RPAP1: variants seen among roughly 807,000 people sequenced by gnomAD.
The protein encoded by RPAP1 is RNA polymerase II associated protein 1.
RPAP1 carries 109 observed loss-of-function variants against 142.4 expected under a neutral mutation model. The ratio of observed to expected loss-of-function variants is 0.77; its 90% confidence interval spans 0.66 to 0.90. RPAP1 has a LOEUF of 0.90. Ranked by LOEUF, RPAP1 falls within the 40% of genes least tolerant of loss-of-function variation. The probability of loss-of-function intolerance (pLI) is 0.00; values close to 1 mark genes in which losing one functional copy is unlikely to be tolerated. For synonymous variants in RPAP1, 704 were observed against 738.9 expected, an observed-to-expected ratio of 0.95 and a Z score of 0.77; for missense variants, 1,546 against 1,751.7, an observed-to-expected ratio of 0.88 and a Z score of 2.10.
At chr15:41,522,002 G>A in intron 20 of RPAP1, 96 bp downstream of exon 20, 1 of 1,562,326 alleles carries the variant, frequency 6.4e-7, no homozygotes, top group South Asian at 1.2e-5. Context: ...GGAGGAAAGT[G>A]GGAGCTGCAT....
At chr15:41,543,063 C>T (rs185360231) in intron 1 of RPAP1, among the ~76,000 whole-genome samples, 2 of 152,112 alleles carry the variant, frequency 1.3e-5, no homozygotes, top group Non-Finnish European at 2.9e-5. Flanking sequence ...TCATAGGGTG[C>T]GCCATACCTA....
chr15:41,522,187 C>T lies in RPAP1; in HGVS notation c.2806G>A (p.Ala936Thr), dbSNP rs747176172. 1.2e-5 allele frequency: 20 copies of T among 1,614,018 alleles called. No individual in the cohort carries two copies. The South Asian group carries it at 2.1e-4, about 17-fold the overall frequency. The change falls in exon 20 of 25, where the codon GCT becomes ACT. Residue 936 changes from alanine (A) to threonine (T), a missense_variant. Transcript: ENST00000304330. The part of the protein sequence containing the change: ...NYFLQCVAPG[A>T]APHLTPFSAW... ...GAGAAAGGTGTGAGGTGTGGGGCAG[C>T]CCCAGGAGCCACACACTGGAGGAAG...
chr15:41,536,879 A>G, intron 2 of RPAP1, 66 bp downstream of exon 2: 1 of 1,558,068 alleles, frequency 6.4e-7, no homozygotes, highest in East Asian at 2.3e-5. Context: ...CAACCACAAC[A>G]GGAAGAGGGA....
Position 41,526,989 on chromosome 15 carries a change from G to A in RPAP1, c.1826C>T (p.Pro609Leu), listed in dbSNP as rs936259264. Reference protein sequence around the residue: ...PTSWSPVGAGPTPSLYKVPCA... With the variant: ...PTSWSPVGAGLTPSLYKVPCA... ...GGGTACTTTGTATAGACTAGGGGTAGGCCCTGCCCCCACAGGAGACCAACT... is the reference window on the plus strand; with the variant it reads ...GGGTACTTTGTATAGACTAGGGGTAAGCCCTGCCCCCACAGGAGACCAACT... The change falls in exon 14 of 25, where the codon CCT becomes CTT. Residue 609 changes from proline to leucine, a missense_variant. Pro to Leu is a moderately conservative substitution (Grantham distance 98). Transcript: ENST00000304330. 5 of 1,614,098 alleles carry A rather than the reference G, an allele frequency of 3.1e-6. No homozygotes were observed. In the African/African-American group the frequency reaches 6.7e-5, roughly 22 times the overall value.
Position 41,535,605 on chromosome 15 carries a change from T to G in RPAP1, c.448A>C (p.Ser150Arg). The change falls in exon 5 of 25, where the codon AGC (serine) becomes CGC (arginine). Residue 150 changes from serine to arginine, a missense_variant. Around this residue, in one of 3 missense-constraint regions of RPAP1, gnomAD observed 1,333 missense variants for 1,486.6 expected, o/e 0.90. Transcript: ENST00000304330. ...GCCGCAATTTCCTGGGCAAAGATGC[T>G]TCTCTTACCAGATGTTGCTGATTTC... ...QGKSATSGKR[S>R]IFAQEIAARR... 1 of 1,613,932 alleles carries G rather than the reference T, an allele frequency of 6.2e-7. No individual in the cohort carries two copies. Among genetic ancestry groups the G allele is most frequent in the Non-Finnish European group, 8.5e-7 (1 of 1,179,976 alleles).
At chr15:41,530,883 A>T in intron 7 of RPAP1, 140 bp downstream of exon 7, 1 of 807,116 alleles carries the variant, frequency 1.2e-6, no homozygotes, top group Non-Finnish European at 2.0e-6. Context: ...ATGAAGACTG[A>T]CTTGAAGCCA....
chr15:41,522,827 G>A lies in RPAP1; in HGVS notation c.2680C>T (p.Leu894Phe). The change falls in exon 19 of 25, where the codon CTC becomes TTC. Residue 894 changes from leucine (L) to phenylalanine (F), a missense_variant. Physicochemically the swap from Leu to Phe is conservative, Grantham distance 22. This residue lies in a region of RPAP1 where 1,333 missense variants were observed against 1,486.6 expected (regional missense o/e 0.90). Transcript: ENST00000304330. ...TTAAGAAGAGAGAGGAGGGCAGTGA[G>A]GAATGGGAAGGGTGAGGCTGAGCCA... ...LAGSASPFPFLTALLSLLNTL... is the reference protein window; with the variant it reads ...LAGSASPFPFFTALLSLLNTL... The A allele has an allele frequency of 6.3e-7, 1 of 1,586,256 alleles. No homozygotes were observed. The highest frequency in any genetic ancestry group is 1.2e-5 in the South Asian group (1 of 86,186).
chr15:41,528,942 T>G (rs938800183), intron 9 of RPAP1, among the ~76,000 whole-genome samples: 2 of 149,836 alleles, frequency 1.3e-5, no homozygotes, highest in Admixed American at 6.7e-5. Context: ...GCATGGAGAG[T>G]GAGCAGACCA....
chr15:41,526,870 C>T, intron 14 of RPAP1, 28 bp downstream of exon 14: 1 of 1,581,690 alleles, frequency 6.3e-7, no homozygotes, highest in South Asian at 1.1e-5. Context: ...CATGCATTCC[C>T]CCATCCCTTG....
At chr15:41,529,716 CAG>C in intron 8 of RPAP1, 146 bp downstream of exon 8, 1 of 834,202 alleles carries the variant, frequency 1.2e-6, no homozygotes. Flanking sequence ...GGGGGCCAGG[CAG>C]AGTGATGGTA....
Position 41,520,984 on chromosome 15 carries a change from C to A in RPAP1, c.3202G>T (p.Ala1068Ser). The change falls in exon 22 of 25, where the codon GCC becomes TCC. Residue 1068 changes from alanine (A) to serine (S), a missense_variant. By Grantham distance (99) the Ala-to-Ser change is moderately conservative. This residue lies in a region of RPAP1 where 1,333 missense variants were observed against 1,486.6 expected (regional missense o/e 0.90). Coordinates refer to ENST00000304330, the MANE Select transcript of RPAP1 (RefSeq NM_015540.4). ...CYLTHCSPAR[A>S]SLLASQALHR... ...AGAGCCTGGGAGGCCAGCAGACTGG[C>A]TCGGGCTGGCGAGCAATGAGTCAGG... 6.2e-7 allele frequency: 1 copy of A among 1,607,574 alleles called. No individual in the cohort carries two copies. The highest frequency in any genetic ancestry group is 8.5e-7 in the Non-Finnish European group (1 of 1,176,738).
At position 41,526,279 on chromosome 15, in the gene RPAP1, C is replaced by T. The variant is rs554472561; in HGVS notation, c.1917+619G>A. 3.9e-5 allele frequency among the ~76,000 whole-genome samples: 6 copies of T among 152,290 alleles called. No individual in the cohort carries two copies. In the East Asian group the frequency reaches 1.2e-3, roughly 29 times the overall value. ...TAGTATTTTTGAGACGGGGTCTCGC[C>T]CTGTTGCCTAGGCTGTAGTGCAGTG... On this transcript the variant is annotated intron_variant, in intron 14 of 24. Transcript: ENST00000304330.
intron 1 of RPAP1, among the ~76,000 whole-genome samples, chr15:41,540,206 T>C (rs192875030): frequency 1.3e-5 from 2 of 152,328 alleles, no homozygotes; most frequent in East Asian, 1.9e-4. Flanking sequence ...ATCTAACACT[T>C]ATTGAGCACT....
intron 19 of RPAP1, 158 bp downstream of exon 19, chr15:41,522,607 C>T: frequency 3.2e-6 from 2 of 629,128 alleles, no homozygotes; most frequent in East Asian, 6.3e-5. Context: ...CCAGGCTGGT[C>T]TCGAACTCCC....
rs781161552 is a variant in RPAP1, at chr15:41,526,988, A to G, written c.1827T>C (p.Pro609=). 1 of 1,614,210 alleles carries G rather than the reference A, an allele frequency of 6.2e-7. No homozygotes were observed. The highest frequency in any genetic ancestry group is 8.5e-7 in the Non-Finnish European group (1 of 1,180,028). Residue 609 remains proline (P), a synonymous_variant, in exon 14 of 25, where the codon CCT becomes CCC. Transcript: ENST00000304330. Reference sequence around the variant, plus strand: ...AGGGTACTTTGTATAGACTAGGGGTAGGCCCTGCCCCCACAGGAGACCAAC... The same window carrying G: ...AGGGTACTTTGTATAGACTAGGGGTGGGCCCTGCCCCCACAGGAGACCAAC... ...PTSWSPVGAG[P]TPSLYKVPCA...
chr15:41,528,166 G>A, intron 10 of RPAP1, 69 bp downstream of exon 10: 2 of 1,514,116 alleles, frequency 1.3e-6, no homozygotes, highest in Non-Finnish European at 1.8e-6. Context: ...AAAAGGGCAG[G>A]AGATGGGGAA....
intron 14 of RPAP1, 30 bp downstream of exon 14, chr15:41,526,868 C>A: frequency 6.3e-7 from 1 of 1,579,246 alleles, no homozygotes; most frequent in Non-Finnish European, 8.6e-7. Context: ...CCCATGCATT[C>A]CCCCATCCCT....
At chr15:41,538,613 T>C (rs546563287) in intron 1 of RPAP1, among the ~76,000 whole-genome samples, 1 of 152,364 alleles carries the variant, frequency 6.6e-6, no homozygotes, top group African/African-American at 2.4e-5. Flanking sequence ...CTATATACTG[T>C]AAATTTATGT....
chr15:41,529,462 T>A lies in RPAP1; in HGVS notation c.1158+8A>T. On this transcript the variant is annotated splice_region_variant and intron_variant, in intron 9 of 24. Transcript: ENST00000304330. ...AGCTGCCCCATCCTCTCCAGTCCCATGCCTCACCTCTGCCTCCTCTCCATG... is the reference window on the plus strand; with the variant it reads ...AGCTGCCCCATCCTCTCCAGTCCCAAGCCTCACCTCTGCCTCCTCTCCATG... 1 of 1,599,388 alleles carries A rather than the reference T, an allele frequency of 6.3e-7. No homozygotes were observed. The highest frequency in any genetic ancestry group is 8.6e-7 in the Non-Finnish European group (1 of 1,168,322).
Sources: gnomAD v4.1 joint callset for allele counts (sites outside exome capture counted in the v4.1 genomes callset) on GRCh38, gnomAD v4.1.1 for gene constraint, gnomAD v4.1.1 regional missense constraint, MANE v1.5 for transcripts, NCBI Gene and HGNC (gene_info 2026-07-23, HGNC 2026-07-21) for gene names.